CSPP1: variants seen among roughly 807,000 people sequenced by gnomAD.
CSPP1 encodes the protein centrosome and spindle pole-associated protein 1.
In CSPP1, 126 loss-of-function variants were observed where a neutral mutation model predicts 164.4. The observed-to-expected ratio is 0.77, with a 90% CI of 0.66 to 0.89. CSPP1 has a LOEUF of 0.89. Among genes scored for constraint, CSPP1 ranks in the 40% least tolerant of loss-of-function variants. The pLI is 0.00. For missense variants in CSPP1, 1,395 were observed against 1,449.8 expected (o/e 0.96, Z 0.61); for synonymous variants, 472 against 476.7 (o/e 0.99, Z 0.13).
chr8:67,111,807 A>G (rs749821882), intron 9 of CSPP1, among the ~76,000 whole-genome samples, 165 bp from the exon 10 acceptor site: 4 of 149,530 alleles, frequency 2.7e-5, no homozygotes, highest in Non-Finnish European at 5.9e-5. Context: ...ATTAATTACA[A>G]AAGAAATTGA....
intron 1 of CSPP1, among the ~76,000 whole-genome samples, chr8:67,072,905 C>T (rs949585226): frequency 6.8e-6 from 1 of 147,068 alleles, no homozygotes; most frequent in Admixed American, 6.7e-5. Flanking sequence ...GAAAGAAAAG[C>T]TAATTTTAAC....
chr8:67,099,465 GT>G, intron 7 of CSPP1: 4 of 152,226 alleles, frequency 2.6e-5, no homozygotes, highest in Admixed American at 2.6e-4. Context: ...ACATAAAGGG[GT>G]TCCAGGGACA....
At position 67,138,210 on chromosome 8, in the gene CSPP1, G is replaced by T. The variant is rs557584069; in HGVS notation, c.1975+607G>T. On this transcript the variant is annotated intron_variant, in intron 17 of 30. Transcript: ENST00000678616. ...GGCTTTATACAACTTGTTATATACA[G>T]TTGTCTGTTGGTAACCATGGGACAT... is the stretch of plus-strand genomic sequence containing the variant. Among the ~76,000 whole-genome samples the T allele has an allele frequency of 5.9e-5, 9 of 152,218 alleles. No homozygotes were observed. In the South Asian group the frequency reaches 1.9e-3, roughly 32 times the overall value.
chr8:67,191,259 A>C (rs1205997370), intron 29 of CSPP1, among the ~76,000 whole-genome samples: 1 of 152,086 alleles, frequency 6.6e-6, no homozygotes, highest in Non-Finnish European at 1.5e-5. Context: ...CAGCAATGTC[A>C]CCTCCTTGTT....
chr8:67,064,432 T>G lies in CSPP1; in HGVS notation c.-117T>G, dbSNP rs921079216. The G allele has an allele frequency of 1.9e-6, 3 of 1,613,896 alleles. No homozygotes were observed. The highest frequency in any genetic ancestry group is 2.5e-6 in the Non-Finnish European group (3 of 1,179,886). On this transcript the variant is annotated 5_prime_UTR_variant, in exon 1 of 31. Transcript: ENST00000678616. The stretch of plus-strand genomic sequence containing the variant: ...CCCGCTCCAGGTGGCCGCTGTAACC[T>G]CTTCGGTCCGCGACGATCCTCTAGA...
intron 18 of CSPP1, among the ~76,000 whole-genome samples, chr8:67,153,757 G>A (rs1826148895): frequency 6.6e-6 from 1 of 151,848 alleles, no homozygotes; most frequent in Non-Finnish European, 1.5e-5. Context: ...GGTTGTTTAA[G>A]CTGTTAGCTT....
At chr8:67,095,904 G>A (rs911046891) in intron 7 of CSPP1, among the ~76,000 whole-genome samples, 172 bp downstream of exon 7, 3 of 152,062 alleles carry the variant, frequency 2.0e-5, no homozygotes, top group Non-Finnish European at 2.9e-5. Flanking sequence ...TCCCACTGAG[G>A]GGAAAAAGAA....
intron 28 of CSPP1, among the ~76,000 whole-genome samples, chr8:67,181,338 ATT>A (rs58029238): frequency 0.09 from 10,165 of 112,496 alleles, 791 homozygotes; most frequent in African/African-American, 0.23. Flanking sequence ...GTACCTGGCC[ATT>A]TTTTTTTTTT....
At chr8:67,091,202 C>T (rs1044338916) in intron 4 of CSPP1, among the ~76,000 whole-genome samples, 2 of 152,180 alleles carry the variant, frequency 1.3e-5, no homozygotes, top group African/African-American at 2.4e-5. Flanking sequence ...CCCATTGTTA[C>T]ACAACTGATA....
At chr8:67,103,167 G>A in intron 8 of CSPP1, 32 bp downstream of exon 8, 1 of 1,316,756 alleles carries the variant, frequency 7.6e-7, no homozygotes, top group Non-Finnish European at 1.1e-6. Context: ...CTCTGCTTTA[G>A]TCATTACATT....
Position 67,196,353 on chromosome 8 carries a change from G to A in CSPP1, c.*760G>A, listed in dbSNP as rs1017708747. 2.6e-5 allele frequency: 4 copies of A among 152,146 alleles called. No homozygotes were observed. The highest frequency in any genetic ancestry group is 4.8e-5 in the African/African-American group (2 of 41,436). 9.4% of individuals were successfully genotyped at this position (152,146 alleles called of 1,614,324 possible). ...CCGGGAGTCAAGGACAGAGAGACTG[G>A]AGTCTTCTTCTTCCACCATGGAACC... On this transcript the variant is annotated 3_prime_UTR_variant, in exon 31 of 31. Transcript: ENST00000678616.
chr8:67,138,626 T>C (rs1209807314), intron 17 of CSPP1, among the ~76,000 whole-genome samples: 1 of 152,220 alleles, frequency 6.6e-6, no homozygotes, highest in Non-Finnish European at 1.5e-5. Flanking sequence ...AGATACACAC[T>C]TCATGTTCTT....
chr8:67,193,670 C>CT, intron 30 of CSPP1, 68 bp downstream of exon 30: 2 of 1,360,102 alleles, frequency 1.5e-6, no homozygotes, highest in Non-Finnish European at 2.1e-6. Flanking sequence ...TTACTCAAGG[C>CT]TTTCACTAAC....
intron 17 of CSPP1, among the ~76,000 whole-genome samples, chr8:67,140,211 G>T (rs1313296964): frequency 2.0e-5 from 3 of 152,042 alleles, no homozygotes. Context: ...AGCCTCCCAA[G>T]TAACTGGGAT....
chr8:67,114,667 GAT>G (rs1235215409), intron 12 of CSPP1: 1 of 152,114 alleles, frequency 6.6e-6, no homozygotes, highest in African/African-American at 2.4e-5. Context: ...TTCCTGATAA[GAT>G]AACCATGGTA....
chr8:67,184,611 G>C, intron 28 of CSPP1, among the ~76,000 whole-genome samples: 1 of 151,748 alleles, frequency 6.6e-6, no homozygotes, highest in Non-Finnish European at 1.5e-5. Flanking sequence ...TGTAGTCCCA[G>C]CTATCTGGGA....
intron 15 of CSPP1, among the ~76,000 whole-genome samples, chr8:67,121,366 T>C (rs944038129): frequency 6.6e-6 from 1 of 152,206 alleles, no homozygotes; most frequent in Non-Finnish European, 1.5e-5. Flanking sequence ...ATTCCTAGTT[T>C]GTTGAGTTTT....
intron 1 of CSPP1, 112 bp downstream of exon 1, chr8:67,064,650 T>A: frequency 1.6e-6 from 1 of 633,290 alleles, no homozygotes; most frequent in Non-Finnish European, 2.1e-6. Flanking sequence ...TCGAGGCAAC[T>A]AGGCCGGCGA....
chr8:67,178,034 T>C (rs1369607637), intron 27 of CSPP1, among the ~76,000 whole-genome samples: 2 of 152,234 alleles, frequency 1.3e-5, no homozygotes, highest in Non-Finnish European at 2.9e-5. Flanking sequence ...AGGATAATAG[T>C]ACATAAATTA....
Sources: allele counts gnomAD v4.1 joint callset (sites outside exome capture counted in the v4.1 genomes callset), GRCh38; gene constraint gnomAD v4.1.1; transcripts MANE v1.5; gene names NCBI Gene and HGNC (gene_info 2026-07-23, HGNC 2026-07-21).